The following PPP6R3 variants were observed in gnomAD, a reference collection of about 807,000 sequenced individuals.
The protein encoded by PPP6R3 is protein phosphatase 6 regulatory subunit 3, also known as serine/threonine-protein phosphatase 6 regulatory subunit 3.
Under a neutral mutation model 110.7 loss-of-function variants are expected in PPP6R3, and 38 were observed. That is an observed-to-expected ratio of 0.34 (90% confidence interval 0.26 to 0.45). The LOEUF is 0.45. Ranked by LOEUF, PPP6R3 falls within the 20% of genes least tolerant of loss-of-function variation. PPP6R3 has a pLI of 1.00. For synonymous variants in PPP6R3, 369 were observed against 373.5 expected (o/e 0.99, Z 0.14); for missense variants, 870 against 1,062.4 (o/e 0.82, Z 2.52).
chr11:68,586,354 A>AT (rs995453311), intron 15 of PPP6R3: 71 of 152,278 alleles, frequency 4.7e-4, no homozygotes, highest in African/African-American at 1.4e-3. Flanking sequence ...GCTGGCTGTC[A>AT]TTGTCCATTC....
At position 68,515,705 on chromosome 11, in the gene PPP6R3, C is replaced by G. The variant is rs748490144; in HGVS notation, c.-157-3796C>G. Among the ~76,000 whole-genome samples, 3 of 152,184 alleles carry G rather than the reference C, an allele frequency of 2.0e-5. No homozygotes were observed. In the East Asian group the frequency reaches 5.8e-4, roughly 29 times the overall value. Reference sequence around the variant, plus strand: ...GTGCACGTGGTGTCTCATAAGGACACTAATCCTGTCAATTCAGGGTCCCAC... The same window carrying G: ...GTGCACGTGGTGTCTCATAAGGACAGTAATCCTGTCAATTCAGGGTCCCAC... On this transcript the variant is annotated intron_variant, in intron 1 of 23. Coordinates refer to ENST00000393800, the MANE Select transcript of PPP6R3 (RefSeq NM_001164161.2).
chr11:68,601,252 G>A (rs1045688650), intron 20 of PPP6R3, among the ~76,000 whole-genome samples: 3 of 152,120 alleles, frequency 2.0e-5, no homozygotes, highest in Admixed American at 6.5e-5. Context: ...AAGAGCCTTT[G>A]GTTACTTGAG....
At position 68,610,011 on chromosome 11, in the gene PPP6R3, G is replaced by A. The variant is rs115707404; in HGVS notation, c.2558G>A (p.Ser853Asn). Residue 853 changes from serine to asparagine, a missense_variant, in exon 23 of 24, where the codon AGT (serine) becomes AAT (asparagine). By Grantham distance (46) the Ser-to-Asn change is conservative. Transcript: ENST00000393800. ...KCAAPRPPSS[S>N]PEQRTGQPSA... is the part of the protein sequence containing the mutation. The stretch of plus-strand genomic sequence containing the variant: ...GCGGCGCCCAGGCCTCCCAGCAGCA[G>A]TCCCGAGCAGAGGTAACCACCCGCC... 182 of 1,613,910 alleles carry A rather than the reference G, an allele frequency of 1.1e-4. 1 individual carries two copies. In the African/African-American group the frequency reaches 2.2e-3, roughly 19 times the overall value.
rs192367554 is a variant in PPP6R3, at chr11:68,598,175, C to T, written c.2038+1957C>T. Among the ~76,000 whole-genome samples, 4 of 152,320 alleles carry T rather than the reference C, an allele frequency of 2.6e-5. No individual in the cohort carries two copies. The East Asian group carries it at 7.7e-4, about 29-fold the overall frequency. On this transcript the variant is annotated intron_variant, in intron 19 of 23. Transcript: ENST00000393800. Reference sequence around the variant, plus strand: ...TCTAGGGATCTCATATAAATGGAATCATACAGTATTTATCTTTGTGACTGG... The same window carrying T: ...TCTAGGGATCTCATATAAATGGAATTATACAGTATTTATCTTTGTGACTGG...
intron 1 of PPP6R3, among the ~76,000 whole-genome samples, chr11:68,477,767 T>G (rs1438394850): frequency 7.1e-6 from 1 of 140,602 alleles, no homozygotes; most frequent in Non-Finnish European, 1.5e-5. Context: ...TATATATATA[T>G]ATATAATTTC....
chr11:68,477,735 A>ATATAT (rs1458541567), intron 1 of PPP6R3, among the ~76,000 whole-genome samples: 9 of 64,160 alleles, frequency 1.4e-4, no homozygotes, highest in African/African-American at 5.3e-4. Context: ...TCTTAAAAAA[A>ATATAT]AAAAAAATAT....
chr11:68,518,528 G>C (rs1218233940), intron 1 of PPP6R3, among the ~76,000 whole-genome samples: 1 of 152,176 alleles, frequency 6.6e-6, no homozygotes, highest in Non-Finnish European at 1.5e-5. Flanking sequence ...TTTGTCTAAG[G>C]ACTCCAGCAG....
intron 14 of PPP6R3, among the ~76,000 whole-genome samples, chr11:68,582,346 A>G (rs2099559588): frequency 6.6e-6 from 1 of 152,224 alleles, no homozygotes; most frequent in African/African-American, 2.4e-5. Flanking sequence ...TGCTTCCCCC[A>G]AATATTGTGT....
At chr11:68,569,022 A>G (rs1001939543) in intron 10 of PPP6R3, among the ~76,000 whole-genome samples, 1 of 152,132 alleles carries the variant, frequency 6.6e-6, no homozygotes, top group African/African-American at 2.4e-5. Context: ...GGCCTCCCAG[A>G]GTGCAGAGAT....
intron 1 of PPP6R3, among the ~76,000 whole-genome samples, chr11:68,489,453 T>C (rs2098969366): frequency 1.3e-5 from 2 of 152,138 alleles, no homozygotes; most frequent in African/African-American, 4.8e-5. Flanking sequence ...AGTTAATCCA[T>C]GTCCACTTTC....
chr11:68,591,179 G>A (rs1381696659), intron 17 of PPP6R3, among the ~76,000 whole-genome samples: 1 of 152,096 alleles, frequency 6.6e-6, no homozygotes. Flanking sequence ...GAGTAAGGTA[G>A]GAACTGCTGA....
At position 68,574,342 on chromosome 11, in the gene PPP6R3, G is replaced by C. The variant is rs539391997; in HGVS notation, c.1459+118G>C. On this transcript the variant is annotated intron_variant, in intron 13 of 23. Coordinates refer to ENST00000393800, the MANE Select transcript of PPP6R3 (RefSeq NM_001164161.2). ...GATTTGTGGGACTTCTTTATATTTG[G>C]CAAATTATGTATTTGAATGAGGTTC... 1.7e-4 allele frequency: 126 copies of C among 733,078 alleles called. No homozygotes were observed. In the Middle Eastern group the frequency reaches 1.9e-3, roughly 11 times the overall value. The allele number at this position is 733,078 out of a possible 1,614,324, so 45.4% of individuals were successfully genotyped here.
chr11:68,557,348 C>A (rs1239028752), intron 7 of PPP6R3, among the ~76,000 whole-genome samples: 1 of 152,132 alleles, frequency 6.6e-6, no homozygotes, highest in Non-Finnish European at 1.5e-5. Context: ...GAAAGAGATT[C>A]TCTCCTATTT....
intron 9 of PPP6R3, among the ~76,000 whole-genome samples, chr11:68,565,368 C>T (rs1368616073): frequency 6.6e-6 from 1 of 151,892 alleles, no homozygotes; most frequent in Non-Finnish European, 1.5e-5. Flanking sequence ...GGTTCCATTC[C>T]AGCCACATCT....
intron 7 of PPP6R3, among the ~76,000 whole-genome samples, chr11:68,554,700 T>C (rs2099392749): frequency 1.3e-5 from 2 of 152,240 alleles, no homozygotes; most frequent in Non-Finnish European, 1.5e-5. Context: ...TGAAGACAGC[T>C]TGGGGATGGG....
intron 1 of PPP6R3, among the ~76,000 whole-genome samples, chr11:68,518,092 A>G (rs1201007235): frequency 6.6e-6 from 1 of 152,244 alleles, no homozygotes; most frequent in Non-Finnish European, 1.5e-5. Flanking sequence ...TTCATAACTG[A>G]ATATCAATTG....
rs780392732 is a variant in PPP6R3 at position 68,558,584 on chromosome 11, G to A, written c.750G>A (p.Gln250=). Residue 250 remains glutamine, a synonymous_variant, in exon 8 of 24, where the codon CAG becomes CAA. Coordinates refer to ENST00000393800, the MANE Select transcript of PPP6R3 (RefSeq NM_001164161.2). ...TCCCTAGGCAAGAAATTATAGAGCA[G>A]CTTCTATCAAATATTTTCCACAAGG... ...ATLEKQEIIE[Q]LLSNIFHKEK... The A allele has an allele frequency of 3.7e-6, 6 of 1,611,920 alleles. No homozygotes were observed. In the East Asian group the frequency reaches 1.3e-4, roughly 36 times the overall value.
chr11:68,463,358 A>AAAG (rs1171269191), intron 1 of PPP6R3, among the ~76,000 whole-genome samples: 2 of 146,396 alleles, frequency 1.4e-5, no homozygotes, highest in Admixed American at 6.7e-5. Context: ...AGTCTCAGAA[A>AAAG]AAAAAAAAAA....
chr11:68,513,592 T>TA (rs1565526685), intron 1 of PPP6R3, among the ~76,000 whole-genome samples: 1 of 152,228 alleles, frequency 6.6e-6, no homozygotes, highest in Non-Finnish European at 1.5e-5. Flanking sequence ...TCGAAGATCA[T>TA]AGACGTAGTG....
Sources: allele counts gnomAD v4.1 joint callset (sites outside exome capture counted in the v4.1 genomes callset), GRCh38; gene constraint gnomAD v4.1.1; transcripts MANE v1.5; gene names NCBI Gene and HGNC (gene_info 2026-07-23, HGNC 2026-07-21).